Variants in LSAMP observed in about 807,000 individuals in gnomAD.
LSAMP encodes limbic system-associated membrane protein.
Under a neutral mutation model 38.6 loss-of-function variants are expected in LSAMP, and 7 were observed. The observed-to-expected ratio is 0.18, with a 90% CI of 0.10 to 0.34. LSAMP has a LOEUF of 0.34. LSAMP is among the 10% of genes least tolerant of loss of function. The pLI, the probability that LSAMP is intolerant of heterozygous loss-of-function variation, is 1.00. For synonymous variants in LSAMP, 154 were observed against 166.8 expected, an observed-to-expected ratio of 0.92 and a Z score of 0.59; for missense variants, 313 against 420.0, an observed-to-expected ratio of 0.75 and a Z score of 2.23.
intron 1 of LSAMP, among the ~76,000 whole-genome samples, chr3:116,273,402 T>G (rs1453598629): frequency 1.3e-5 from 2 of 151,746 alleles, no homozygotes; most frequent in African/African-American, 4.8e-5. Flanking sequence ...AAGAAGCATT[T>G]AAAGAGAGAT....
chr3:115,946,007 T>C (rs528387171), intron 3 of LSAMP, among the ~76,000 whole-genome samples: 2 of 152,288 alleles, frequency 1.3e-5, no homozygotes, highest in East Asian at 3.9e-4. Flanking sequence ...CCTTGAAAAC[T>C]CTGCTTACAT....
At chr3:116,310,915 T>A (rs1394668265) in intron 1 of LSAMP, among the ~76,000 whole-genome samples, 1 of 8,904 alleles carries the variant, frequency 1.1e-4, no homozygotes, top group Non-Finnish European at 4.2e-4. Flanking sequence ...TGATAAGTTG[T>A]TTTTTTTTTT....
intron 3 of LSAMP, among the ~76,000 whole-genome samples, chr3:115,934,928 T>A (rs1392019944): frequency 6.6e-6 from 1 of 152,122 alleles, no homozygotes; most frequent in Non-Finnish European, 1.5e-5. Flanking sequence ...GTACAAGTGA[T>A]GAGTAAGATT....
At chr3:115,935,584 A>C (rs1464219332) in intron 3 of LSAMP, among the ~76,000 whole-genome samples, 4 of 152,160 alleles carry the variant, frequency 2.6e-5, no homozygotes. Flanking sequence ...ATGATTTAAA[A>C]GTCTTATCTT....
intron 3 of LSAMP, among the ~76,000 whole-genome samples, chr3:115,917,140 A>G (rs1037411566): frequency 6.6e-6 from 1 of 152,210 alleles, no homozygotes; most frequent in Non-Finnish European, 1.5e-5. Flanking sequence ...CTTACTGCAG[A>G]TGGTTTCAGA....
At chr3:116,242,153 A>G (rs1331646481) in intron 1 of LSAMP, among the ~76,000 whole-genome samples, 1 of 152,250 alleles carries the variant, frequency 6.6e-6, no homozygotes, top group Non-Finnish European at 1.5e-5. Flanking sequence ...AATGAAGAGT[A>G]AAATAAAACA....
In LSAMP at chr3:116,134,369, A is replaced by G. The variant is rs949143064; in HGVS notation, c.156-47813T>C. 1.3e-4 allele frequency among the ~76,000 whole-genome samples: 20 copies of G among 152,178 alleles called. 1 individual carries two copies. Among genetic ancestry groups the G allele is most frequent in the African/African-American group, 4.3e-4 (18 of 41,450 alleles). On this transcript the variant is annotated intron_variant, in intron 1 of 6. Transcript: ENST00000490035. Reference sequence around the variant, plus strand: ...CCAGCAGTCAGAATTACCTTAAAAAAAAAGAAAGAAATCAGACTGTGTGAT... The same window carrying G: ...CCAGCAGTCAGAATTACCTTAAAAAGAAAGAAAGAAATCAGACTGTGTGAT...
At chr3:115,845,390 C>T (rs1935120613) in intron 4 of LSAMP, among the ~76,000 whole-genome samples, 3 of 152,124 alleles carry the variant, frequency 2.0e-5, no homozygotes, top group Admixed American at 1.3e-4. Context: ...TTTCTGGAGC[C>T]ACATGGTTAT....
At chr3:116,211,915 TG>T (rs2046161800) in intron 1 of LSAMP, among the ~76,000 whole-genome samples, 2 of 152,216 alleles carry the variant, frequency 1.3e-5, no homozygotes, top group South Asian at 4.1e-4. Context: ...CAGGAGACGT[TG>T]GTTCCATGGG....
At chr3:116,261,291 C>A (rs12634800) in intron 1 of LSAMP, among the ~76,000 whole-genome samples, 110,787 of 152,042 alleles carry the variant, frequency 0.73, 41,921 homozygotes, top group Non-Finnish European at 0.84. Flanking sequence ...TCTTTCTGAT[C>A]GTGGGGCATT....
intron 1 of LSAMP, among the ~76,000 whole-genome samples, chr3:116,427,819 T>G (rs926980995): frequency 2.0e-5 from 3 of 152,094 alleles, no homozygotes; most frequent in Admixed American, 6.5e-5. Flanking sequence ...ACACACTCTC[T>G]CTCTTGGCAA....
chr3:115,891,928 G>A (rs781433279), intron 3 of LSAMP, among the ~76,000 whole-genome samples: 11 of 151,946 alleles, frequency 7.2e-5, no homozygotes, highest in Non-Finnish European at 1.0e-4. Flanking sequence ...GTTCACAGTC[G>A]GTTCTTTGAA....
chr3:116,380,634 G>T (rs747395626), intron 1 of LSAMP, among the ~76,000 whole-genome samples: 2 of 151,932 alleles, frequency 1.3e-5, no homozygotes, highest in Non-Finnish European at 2.9e-5. Flanking sequence ...TGTGGAGTTT[G>T]TACTTACAAA....
At chr3:116,162,753 G>A (rs143356861) in intron 1 of LSAMP, among the ~76,000 whole-genome samples, 1,632 of 110,752 alleles carry the variant, frequency 0.015, 18 homozygotes, top group Admixed American at 0.023. Context: ...TATACATATC[G>A]TATACACACA....
chr3:115,992,220 G>A (rs770014005), intron 3 of LSAMP, among the ~76,000 whole-genome samples: 1 of 151,996 alleles, frequency 6.6e-6, no homozygotes, highest in African/African-American at 2.4e-5. Flanking sequence ...ACCAGCATCA[G>A]CCTATGTGAT....
intron 1 of LSAMP, among the ~76,000 whole-genome samples, chr3:116,156,290 A>C (rs1033032688): frequency 2.0e-5 from 3 of 152,192 alleles, no homozygotes; most frequent in African/African-American, 4.8e-5. Context: ...AACAGATATC[A>C]CTGCTGAAAT....
intron 3 of LSAMP, among the ~76,000 whole-genome samples, chr3:115,924,596 G>T (rs1377853737): frequency 6.6e-6 from 1 of 152,158 alleles, no homozygotes; most frequent in Non-Finnish European, 1.5e-5. Context: ...TAAAAGGGAA[G>T]CCACTTTTGA....
At chr3:116,219,978 C>A (rs1491001866) in intron 1 of LSAMP, among the ~76,000 whole-genome samples, 1 of 152,064 alleles carries the variant, frequency 6.6e-6, no homozygotes, top group African/African-American at 2.4e-5. Context: ...AGTTTGAGAC[C>A]AGCCTGGGGA....
At chr3:116,399,301 G>A (rs1338953004) in intron 1 of LSAMP, among the ~76,000 whole-genome samples, 1 of 152,162 alleles carries the variant, frequency 6.6e-6, no homozygotes, top group African/African-American at 2.4e-5. Context: ...ACTACAAAAT[G>A]TAGAATAGAT....
Sources: allele counts gnomAD v4.1 joint callset (sites outside exome capture counted in the v4.1 genomes callset), GRCh38; gene constraint gnomAD v4.1.1; transcripts MANE v1.5; gene names NCBI Gene and HGNC (gene_info 2026-07-23, HGNC 2026-07-21).